The following ZDHHC2 variants were observed in gnomAD, a reference collection of about 807,000 sequenced individuals.
ZDHHC2 encodes zDHHC palmitoyltransferase 2.
Under a neutral mutation model 55.6 loss-of-function variants are expected in ZDHHC2, and 51 were observed. The ratio of observed to expected loss-of-function variants is 0.92; its 90% CI spans 0.73 to 1.16. The LOEUF is 1.16. ZDHHC2 is among the 50% of genes most tolerant of loss of function. ZDHHC2 has a pLI of 0.00. For synonymous variants in ZDHHC2, 199 were observed against 152.9 expected, an observed-to-expected ratio of 1.30 and a Z score of -2.22; for missense variants, 491 against 442.4, an observed-to-expected ratio of 1.11 and a Z score of -0.99.
chr8:17,162,668 A>G (rs1472406985), intron 1 of ZDHHC2: 1 of 152,004 alleles, frequency 6.6e-6, no homozygotes, highest in Non-Finnish European at 1.5e-5. Context: ...AGTAGCCAAG[A>G]AAAAAAACAG....
chr8:17,195,214 C>T (rs1210970495), intron 3 of ZDHHC2, among the ~76,000 whole-genome samples: 1 of 152,104 alleles, frequency 6.6e-6, no homozygotes, highest in Non-Finnish European at 1.5e-5. Context: ...TGTTGGAACT[C>T]TACGGTTTAT....
In ZDHHC2 at chr8:17,156,813, C is replaced by G; in HGVS notation, c.90C>G (p.Leu30=). ...CGGTGGTGTTCATCACCCTCCTGCT[C>G]GGCTGGTCCTACTACGCCTACGCCA... The part of the protein sequence containing the change: ...WIPVVFITLL[L]GWSYYAYAIQ... The change falls in exon 1 of 13, where the codon CTC becomes CTG. Residue 30 remains leucine, a synonymous_variant. Coordinates refer to ENST00000262096, the MANE Select transcript of ZDHHC2 (RefSeq NM_016353.5). 3.9e-6 allele frequency: 6 copies of G among 1,521,790 alleles called. No individual in the cohort carries two copies. The highest frequency in any genetic ancestry group is 5.3e-6 in the Non-Finnish European group (6 of 1,133,350). 94.3% of individuals were successfully genotyped at this position (1,521,790 alleles called of 1,614,324 possible). A position where few individuals can be genotyped will look rare whatever the true frequency, so the allele number is the denominator to read the frequency against.
At position 17,199,612 on chromosome 8, in the gene ZDHHC2, C is replaced by CTTCCTTTCTTCTTCCT. The variant is rs1554466230; in HGVS notation, c.476+1202_476+1203insCTTTCTTCTTCCTTTC. On this transcript the variant is annotated intron_variant, in intron 6 of 12. Coordinates refer to ENST00000262096, the MANE Select transcript of ZDHHC2 (RefSeq NM_016353.5). ...TCTTTCTTCTTCTTTATTCTTTCTT[C>CTTCCTTTCTTCTTCCT]TTCTTCTTCTTCCTTTCTTCTTCTT... 5.7e-4 allele frequency among the ~76,000 whole-genome samples: 39 copies of CTTCCTTTCTTCTTCCT among 68,918 alleles called. 2 individuals carry two copies. The East Asian group carries it at 8.6e-3, about 15-fold the overall frequency. The allele number at this position is 68,918 out of a possible 152,430, so 45.2% of individuals were successfully genotyped here.
chr8:17,202,734 T>TATATATAC (rs370809337), intron 6 of ZDHHC2, among the ~76,000 whole-genome samples: 11 of 149,662 alleles, frequency 7.3e-5, no homozygotes, highest in Non-Finnish European at 1.6e-4. Flanking sequence ...TATATATATA[T>TATATATAC]ACACACACAC....
In ZDHHC2 at chr8:17,217,263, T is replaced by A. The variant is rs1239225390; in HGVS notation, c.*34+17T>A. 19 of 1,528,880 alleles carry A rather than the reference T, an allele frequency of 1.2e-5. No homozygotes were observed. Among genetic ancestry groups the A allele is most frequent in the Non-Finnish European group, 1.6e-5 (18 of 1,123,872 alleles). The allele number at this position is 1,528,880 out of a possible 1,614,324, so 94.7% of individuals were successfully genotyped here. The stretch of plus-strand genomic sequence containing the variant: ...TTTATAAAAGTACGATAATTTTCCC[T>A]TTATTGTTTTATATTTTTAACAGTC... On this transcript the variant is annotated intron_variant, in intron 12 of 12. Coordinates refer to ENST00000262096, the MANE Select transcript of ZDHHC2 (RefSeq NM_016353.5).
At chr8:17,158,442 G>C (rs148422106) in intron 1 of ZDHHC2, among the ~76,000 whole-genome samples, 277 of 152,250 alleles carry the variant, frequency 1.8e-3, no homozygotes, top group Middle Eastern at 3.4e-3. Flanking sequence ...GCTTATCTTG[G>C]TACAGTGTCT....
At chr8:17,188,659 T>A (rs961104481) in intron 3 of ZDHHC2, among the ~76,000 whole-genome samples, 1 of 152,162 alleles carries the variant, frequency 6.6e-6, no homozygotes, top group African/African-American at 2.4e-5. Flanking sequence ...GTGGATTTCA[T>A]TGAGTTCTGT....
At chr8:17,189,034 G>T (rs925460884) in intron 3 of ZDHHC2, among the ~76,000 whole-genome samples, 1 of 151,046 alleles carries the variant, frequency 6.6e-6, no homozygotes, top group Admixed American at 6.6e-5. Flanking sequence ...CTCCCACCCC[G>T]GTCCAAGCCA....
intron 7 of ZDHHC2, 66 bp from the exon 8 acceptor site, chr8:17,207,894 A>G: frequency 8.2e-7 from 1 of 1,220,188 alleles, no homozygotes; most frequent in Non-Finnish European, 1.0e-6. Context: ...TTACTAATTT[A>G]CTTATAAAAG....
chr8:17,202,654 C>G (rs917546097), intron 6 of ZDHHC2, among the ~76,000 whole-genome samples: 2 of 151,346 alleles, frequency 1.3e-5, no homozygotes, highest in Non-Finnish European at 2.9e-5. Flanking sequence ...AAATGTCTAG[C>G]CAAAAGCTGT....
At chr8:17,199,465 A>AC (rs1554465905) in intron 6 of ZDHHC2, among the ~76,000 whole-genome samples, 4 of 98,638 alleles carry the variant, frequency 4.1e-5, no homozygotes, top group Admixed American at 9.5e-5. Context: ...CTTTAATAAG[A>AC]CTTCTTCTTC....
intron 8 of ZDHHC2, 95 bp from the exon 9 acceptor site, chr8:17,209,837 A>C: frequency 1.4e-6 from 2 of 1,390,842 alleles, no homozygotes; most frequent in East Asian, 2.6e-5. Flanking sequence ...ATTGATTTTC[A>C]GAGTTTCTTC....
chr8:17,184,800 A>T lies in ZDHHC2; in HGVS notation c.142A>T (p.Asn48Tyr). The T allele has an allele frequency of 6.4e-7, 1 of 1,550,590 alleles. No homozygotes were observed. Among genetic ancestry groups the T allele is most frequent in the South Asian group, 1.2e-5 (1 of 83,554 alleles). ...TTTTCTCTTTACAGTGTCCATGGAA[A>T]ACACTGGCGAACAAGGTAAGCTAGA... Reference protein sequence around the residue: ...AIQLCIVSMENTGEQVVCLMA... With the variant: ...AIQLCIVSMEYTGEQVVCLMA... The change falls in exon 2 of 13, where the codon AAC becomes TAC. Residue 48 changes from asparagine to tyrosine, a missense_variant. Asn to Tyr is a moderately radical substitution (Grantham distance 143). Transcript: ENST00000262096.
intron 1 of ZDHHC2, among the ~76,000 whole-genome samples, chr8:17,163,375 G>A (rs1804448583): frequency 1.3e-5 from 2 of 152,306 alleles, no homozygotes; most frequent in Middle Eastern, 3.4e-3. Context: ...GAGCTCAGGT[G>A]TTTGATCTTT....
chr8:17,203,558 C>G (rs1046026202), intron 6 of ZDHHC2, among the ~76,000 whole-genome samples: 1 of 151,826 alleles, frequency 6.6e-6, no homozygotes, highest in African/African-American at 2.4e-5. Context: ...TTTAAAGCAC[C>G]CAGCTTTTGC....
chr8:17,166,617 GA>G (rs1804612545), intron 1 of ZDHHC2, among the ~76,000 whole-genome samples: 1 of 152,208 alleles, frequency 6.6e-6, no homozygotes, highest in South Asian at 2.1e-4. Context: ...AATGAGCAGA[GA>G]AATGGACCAA....
At chr8:17,183,602 GAAACC>G (rs1805545838) in intron 1 of ZDHHC2, among the ~76,000 whole-genome samples, 1 of 152,194 alleles carries the variant, frequency 6.6e-6, no homozygotes, top group Non-Finnish European at 1.5e-5. Flanking sequence ...AAGAGATCTG[GAAACC>G]ATATATTAGT....
At chr8:17,179,542 T>C (rs1311593686) in intron 1 of ZDHHC2, among the ~76,000 whole-genome samples, 3 of 152,042 alleles carry the variant, frequency 2.0e-5, no homozygotes, top group East Asian at 3.9e-4. Context: ...CCCAAGTAGC[T>C]GGGACCACAG....
intron 3 of ZDHHC2, 63 bp from the exon 4 acceptor site, chr8:17,195,441 G>A: frequency 1.3e-6 from 2 of 1,529,332 alleles, no homozygotes; most frequent in South Asian, 1.2e-5. Flanking sequence ...GGGTATGGTA[G>A]AGAAGACCAA....
Sources: allele counts gnomAD v4.1 joint callset (sites outside exome capture counted in the v4.1 genomes callset), GRCh38; gene constraint gnomAD v4.1.1; transcripts MANE v1.5; gene names NCBI Gene and HGNC (gene_info 2026-07-23, HGNC 2026-07-21).